ASZ1: variants seen among roughly 807,000 people sequenced by gnomAD.
ASZ1 encodes ankyrin repeat, SAM and basic leucine zipper domain containing 1.
ASZ1 carries 67 observed loss-of-function variants against 61.8 expected under a neutral mutation model. That is an observed-to-expected ratio of 1.08 (90% CI 0.89 to 1.33). The LOEUF is 1.33. ASZ1 is among the 40% of genes most tolerant of loss of function. The pLI is 0.00. For synonymous variants in ASZ1, 193 were observed against 192.7 expected, an observed-to-expected ratio of 1.00 and a Z score of -0.01; for missense variants, 577 against 554.5, an observed-to-expected ratio of 1.04 and a Z score of -0.41.
rs1795877991 is a variant in ASZ1, at chr7:117,363,826, CATA to C, written c.1276-81_1276-79del. Reference sequence around the variant, plus strand: ...AAAACATTTTGATTTTAAAAAATATCATAATATCCATGTTAATTCATTTCACTT... The same window carrying C: ...AAAACATTTTGATTTTAAAAAATATCATATCCATGTTAATTCATTTCACTT... On this transcript the variant is annotated intron_variant, in intron 12 of 12. Coordinates refer to ENST00000284629, the MANE Select transcript of ASZ1 (RefSeq NM_130768.3). 1.2e-5 allele frequency: 14 copies of C among 1,144,364 alleles called. No individual in the cohort carries two copies. The South Asian group carries it at 3.4e-4, about 28-fold the overall frequency. 70.9% of individuals were successfully genotyped at this position (1,144,364 alleles called of 1,614,324 possible).
intron 4 of ASZ1, among the ~76,000 whole-genome samples, chr7:117,419,861 G>A (rs1797066673): frequency 6.6e-6 from 1 of 152,142 alleles, no homozygotes; most frequent in Admixed American, 6.5e-5. Context: ...TACTCTTACA[G>A]GTCAATCGTC....
intron 2 of ASZ1, among the ~76,000 whole-genome samples, chr7:117,425,259 C>CTTTTTTTTT (rs71148368): frequency 3.5e-4 from 33 of 93,866 alleles, no homozygotes; most frequent in East Asian, 4.0e-4. Flanking sequence ...TGAGTAATTT[C>CTTTTTTTTT]TTTTTTTTTT....
At chr7:117,391,630 A>G (rs1796470521) in intron 4 of ASZ1, among the ~76,000 whole-genome samples, 2 of 151,950 alleles carry the variant, frequency 1.3e-5, no homozygotes, top group South Asian at 2.1e-4. Flanking sequence ...TGGGTTCTCT[A>G]TTCTGTTCCA....
At chr7:117,367,891 C>A (rs977244640) in intron 11 of ASZ1, 1 of 983,636 alleles carries the variant, frequency 1.0e-6, no homozygotes, top group Non-Finnish European at 1.2e-6. Flanking sequence ...CTTTTTCTTT[C>A]TTTTTTTTGA....
chr7:117,423,104 T>C (rs933578821), intron 2 of ASZ1, among the ~76,000 whole-genome samples: 6 of 152,182 alleles, frequency 3.9e-5, no homozygotes, highest in African/African-American at 1.4e-4. Context: ...GGAGGTATGA[T>C]GGACAACAAC....
intron 4 of ASZ1, among the ~76,000 whole-genome samples, chr7:117,404,540 G>C (rs1796746166): frequency 6.6e-6 from 1 of 151,548 alleles, no homozygotes; most frequent in Non-Finnish European, 1.5e-5. Flanking sequence ...TCCATATTAG[G>C]GTGCTTAAGA....
intron 10 of ASZ1, among the ~76,000 whole-genome samples, chr7:117,370,783 CT>C (rs1162982346): frequency 4.0e-5 from 6 of 148,896 alleles, no homozygotes; most frequent in Admixed American, 4.0e-4. Flanking sequence ...ATAAAAATTA[CT>C]ATTATTGGAC....
chr7:117,389,819 T>C (rs549717759), intron 4 of ASZ1, among the ~76,000 whole-genome samples: 3 of 152,346 alleles, frequency 2.0e-5, no homozygotes, highest in South Asian at 2.1e-4. Context: ...TAGCATTTGA[T>C]AAATAAAATT....
intron 10 of ASZ1, among the ~76,000 whole-genome samples, chr7:117,375,016 T>C (rs1022438487): frequency 2.0e-5 from 3 of 152,144 alleles, no homozygotes; most frequent in Admixed American, 1.3e-4. Context: ...ACATTTGATG[T>C]ACAAATCCTC....
At chr7:117,414,806 A>G (rs1562859750) in intron 4 of ASZ1, among the ~76,000 whole-genome samples, 1 of 152,188 alleles carries the variant, frequency 6.6e-6, no homozygotes, top group Non-Finnish European at 1.5e-5. Flanking sequence ...CTGCAAGGAC[A>G]TGAACTCATC....
intron 10 of ASZ1, among the ~76,000 whole-genome samples, chr7:117,375,327 A>G (rs1478573031): frequency 1.3e-5 from 2 of 152,048 alleles, no homozygotes; most frequent in Non-Finnish European, 2.9e-5. Flanking sequence ...TTTATTCTGG[A>G]CCTTATATTT....
In ASZ1 at chr7:117,385,902, G is replaced by A. The variant is rs1796346446; in HGVS notation, c.441-93C>T. On this transcript the variant is annotated intron_variant, in intron 4 of 12. Transcript: ENST00000284629. ...AACCATACACAATACCACCAGTACT[G>A]CTTTGAAAACGAAAAGAAATGAAAG... The A allele has an allele frequency of 3.0e-6, 3 of 985,498 alleles. No individual in the cohort carries two copies. In the Admixed American group the frequency reaches 8.5e-5, roughly 28 times the overall value. 61.0% of individuals were successfully genotyped at this position (985,498 alleles called of 1,614,324 possible).
intron 10 of ASZ1, among the ~76,000 whole-genome samples, chr7:117,372,383 A>C (rs1300838622): frequency 6.6e-6 from 1 of 152,150 alleles, no homozygotes; most frequent in African/African-American, 2.4e-5. Flanking sequence ...AGAGCCACTG[A>C]ATGATCCTGC....
intron 4 of ASZ1, among the ~76,000 whole-genome samples, chr7:117,400,969 A>G (rs1796669785): frequency 6.6e-6 from 1 of 152,226 alleles, no homozygotes; most frequent in African/African-American, 2.4e-5. Context: ...GGAAGCAAAC[A>G]GACCTGTACC....
chr7:117,398,239 G>A (rs1005820333), intron 4 of ASZ1, among the ~76,000 whole-genome samples: 1 of 152,088 alleles, frequency 6.6e-6, no homozygotes. Context: ...GCTCAACTCT[G>A]TTCAACACGC....
At chr7:117,373,137 G>T (rs762477429) in intron 10 of ASZ1, among the ~76,000 whole-genome samples, 1 of 152,174 alleles carries the variant, frequency 6.6e-6, no homozygotes, top group Non-Finnish European at 1.5e-5. Flanking sequence ...CTCAGACAAA[G>T]AGTCTAAACA....
rs1481374097 is a variant in ASZ1, at chr7:117,372,838, C to CTTTTATATTGTGCCTTTTATAAT, written c.1056-4144_1056-4122dup. ...TAACTGACATTGTGCTTCACATGAC[C>CTTTTATATTGTGCCTTTTATAAT]TTTTATATTGTGCCTTTTATAATTA... On this transcript the variant is annotated intron_variant, in intron 10 of 12. Transcript: ENST00000284629. Among the ~76,000 whole-genome samples, 4 of 152,150 alleles carry CTTTTATATTGTGCCTTTTATAAT rather than the reference C, an allele frequency of 2.6e-5. No homozygotes were observed. In the East Asian group the frequency reaches 7.7e-4, roughly 29 times the overall value.
intron 2 of ASZ1, among the ~76,000 whole-genome samples, chr7:117,422,935 T>C (rs556593051): frequency 6.4e-4 from 97 of 152,194 alleles, no homozygotes; most frequent in Middle Eastern, 3.4e-3. Flanking sequence ...AAAGACAACA[T>C]AGACACCACT....
Position 117,385,738 on chromosome 7 carries a change from T to C in ASZ1, c.512A>G (p.His171Arg), listed in dbSNP as rs1258052767. 2.5e-6 allele frequency: 4 copies of C among 1,613,192 alleles called. No individual in the cohort carries two copies. Among genetic ancestry groups the C allele is most frequent in the Admixed American group, 3.3e-5 (2 of 59,930 alleles). The change falls in exon 5 of 13, where the codon CAT (histidine) becomes CGT (arginine). Residue 171 changes from histidine to arginine, a missense_variant. Coordinates refer to ENST00000284629, the MANE Select transcript of ASZ1 (RefSeq NM_130768.3). ...HTQVVALLVA[H>R]GAEVNTQDEN... ...ATCCTGGGTATTAACTTCTGCTCCA[T>C]GAGCAACAAGGAGAGCAACAACCTG...
Sources: allele counts gnomAD v4.1 joint callset (sites outside exome capture counted in the v4.1 genomes callset), GRCh38; gene constraint gnomAD v4.1.1; transcripts MANE v1.5; gene names NCBI Gene and HGNC (gene_info 2026-07-23, HGNC 2026-07-21).